TRIM71: variants seen among roughly 807,000 people sequenced by gnomAD.
TRIM71 encodes E3 ubiquitin-protein ligase TRIM71.
A neutral mutation model predicts 61.2 loss-of-function variants in TRIM71; 9 were observed. That is an observed-to-expected ratio of 0.15 (90% confidence interval 0.09 to 0.26). The LOEUF (loss-of-function observed/expected upper bound fraction) is 0.26, where lower values mean the gene tolerates loss of function less well. Among genes scored for constraint, TRIM71 ranks in the 10% least tolerant of loss-of-function variants. TRIM71 has a pLI of 1.00. For synonymous variants in TRIM71, 645 were observed against 553.2 expected, an observed-to-expected ratio of 1.17 and a Z score of -2.33; for missense variants, 998 against 1,238.7, an observed-to-expected ratio of 0.81 and a Z score of 2.92.
rs148488598 is a variant in TRIM71 at position 32,826,187 on chromosome 3, G to A, written c.852+7255G>A. Reference sequence around the variant, plus strand: ...CTCAACTCCCATCCAGGCAGGGTGCGGTGGCTTACGCCTGCAATCCCAGCA... The same window carrying A: ...CTCAACTCCCATCCAGGCAGGGTGCAGTGGCTTACGCCTGCAATCCCAGCA... On this transcript the variant is annotated intron_variant, in intron 1 of 3. Transcript: ENST00000383763. Among the ~76,000 whole-genome samples the A allele has an allele frequency of 1.9e-3, 285 of 152,266 alleles. 2 individuals are homozygous for A. Among genetic ancestry groups the A allele is most frequent in the African/African-American group, 6.6e-3 (273 of 41,552 alleles).
rs1696291771 is a variant in TRIM71, at chr3:32,833,079, G to A, written c.852+14147G>A. Among the ~76,000 whole-genome samples, 5 of 150,706 alleles carry A rather than the reference G, an allele frequency of 3.3e-5. No homozygotes were observed. The South Asian group carries it at 8.4e-4, about 25-fold the overall frequency. On this transcript the variant is annotated intron_variant, in intron 1 of 3. Transcript: ENST00000383763. ...CATCCCAGCTACTCGGGAGGCTGAG[G>A]CAGGAGAATCACTGGAACCCGGGAG...
At chr3:32,870,846 C>T (rs1322325142) in intron 1 of TRIM71, among the ~76,000 whole-genome samples, 1 of 152,148 alleles carries the variant, frequency 6.6e-6, no homozygotes, top group Non-Finnish European at 1.5e-5. Flanking sequence ...CACTCTTAGC[C>T]CGTGTTGCCT....
rs1425226750 is a variant in TRIM71, at chr3:32,877,394, G to A, written c.1020+3409G>A. 3.4e-5 allele frequency among the ~76,000 whole-genome samples: 5 copies of A among 147,936 alleles called. No individual in the cohort carries two copies. The East Asian group carries it at 9.6e-4, about 29-fold the overall frequency. On this transcript the variant is annotated intron_variant, in intron 2 of 3. Coordinates refer to ENST00000383763, the MANE Select transcript of TRIM71 (RefSeq NM_001039111.3). ...GTTGGGATATCAGGTGTGAGCCACC[G>A]CGCCTGGCCATTTTTTTTTTTAAGA...
chr3:32,865,188 G>T (rs1359176956), intron 1 of TRIM71, among the ~76,000 whole-genome samples: 1 of 152,104 alleles, frequency 6.6e-6, no homozygotes, highest in Admixed American at 6.5e-5. Flanking sequence ...AATTAGCTGG[G>T]TGTGGTGGCA....
Position 32,842,740 on chromosome 3 carries a change from G to A in TRIM71, c.852+23808G>A, listed in dbSNP as rs569512259. Among the ~76,000 whole-genome samples, 14 of 152,180 alleles carry A rather than the reference G, an allele frequency of 9.2e-5. No homozygotes were observed. The East Asian group carries it at 2.7e-3, about 30-fold the overall frequency. On this transcript the variant is annotated intron_variant, in intron 1 of 3. Transcript: ENST00000383763. ...CCTTATACAGACAGGCCTTAGCCAGGTGTAGGCTCTTCTGATCCCCATCTC... is the reference window on the plus strand; with the variant it reads ...CCTTATACAGACAGGCCTTAGCCAGATGTAGGCTCTTCTGATCCCCATCTC...
intron 1 of TRIM71, among the ~76,000 whole-genome samples, chr3:32,858,866 C>T (rs1446375615): frequency 6.6e-6 from 1 of 152,102 alleles, no homozygotes; most frequent in Non-Finnish European, 1.5e-5. Flanking sequence ...CTGAAAACTT[C>T]GATTATGTAA....
intron 2 of TRIM71, among the ~76,000 whole-genome samples, chr3:32,874,744 G>T (rs1696836576): frequency 6.6e-6 from 1 of 151,854 alleles, no homozygotes. Flanking sequence ...GGCTGGTTTT[G>T]AACTCCTGAG....
intron 3 of TRIM71, among the ~76,000 whole-genome samples, chr3:32,889,492 A>G (rs1281006165): frequency 7.3e-6 from 1 of 136,624 alleles, no homozygotes; most frequent in Non-Finnish European, 1.6e-5. Context: ...AGCTTACAGA[A>G]AAGTTGCAGT....
intron 1 of TRIM71, among the ~76,000 whole-genome samples, chr3:32,841,826 T>A (rs1057179289): frequency 1.2e-4 from 18 of 152,186 alleles, no homozygotes; most frequent in Admixed American, 9.2e-4. Flanking sequence ...ATTTTAATAT[T>A]TACTTCTATT....
rs1697053399 is a variant in TRIM71 at position 32,893,950 on chromosome 3, C to G, written c.*2139C>G. The G allele has an allele frequency of 6.6e-6, 1 of 152,144 alleles. No individual in the cohort carries two copies. The highest frequency in any genetic ancestry group is 2.4e-5 in the African/African-American group (1 of 41,432). The allele number at this position is 152,144 out of a possible 1,614,324, so 9.4% of individuals were successfully genotyped here. On this transcript the variant is annotated 3_prime_UTR_variant, in exon 4 of 4. Transcript: ENST00000383763. ...GCTTCAAACTGCTGCTGGCTCCCAG[C>G]TGCTGTTACAGGGTGGGAAGGTGTT...
At chr3:32,831,536 CTTTTTTTTTTTT>C (rs71068093) in intron 1 of TRIM71, among the ~76,000 whole-genome samples, 4 of 96,690 alleles carry the variant, frequency 4.1e-5, no homozygotes, top group South Asian at 4.2e-4. Context: ...GCTTATCTTC[CTTTTTTTTTTTT>C]TTTTTTTTGA....
chr3:32,879,958 C>A (rs1272670735), intron 2 of TRIM71, among the ~76,000 whole-genome samples: 1 of 151,772 alleles, frequency 6.6e-6, no homozygotes, highest in East Asian at 1.9e-4. Flanking sequence ...AAGACTCTGT[C>A]TCAAAAAAGA....
intron 1 of TRIM71, among the ~76,000 whole-genome samples, chr3:32,828,683 A>G (rs764463189): frequency 6.6e-6 from 1 of 151,856 alleles, no homozygotes; most frequent in Non-Finnish European, 1.5e-5. Flanking sequence ...TTCTTTTTGT[A>G]GAGACTGGGT....
In TRIM71 at chr3:32,818,248, A is replaced by C. The variant is rs755012755; in HGVS notation, c.168A>C (p.Leu56=). The C allele has an allele frequency of 1.3e-6, 2 of 1,484,914 alleles. No homozygotes were observed. Among genetic ancestry groups the C allele is most frequent in the Non-Finnish European group, 1.8e-6 (2 of 1,129,440 alleles). 92.0% of individuals were successfully genotyped at this position (1,484,914 alleles called of 1,614,324 possible). A position where few individuals can be genotyped will look rare whatever the true frequency, so the allele number is the denominator to read the frequency against. ...GGGPGAAARR[L]HVLPCLHAFC... is the part of the protein sequence containing the mutation. ...GCCCTGGGGCGGCGGCGCGCCGCCT[A>C]CACGTCCTGCCCTGCCTGCACGCCT... The change falls in exon 1 of 4, where the codon CTA becomes CTC. Residue 56 remains leucine, a synonymous_variant. Coordinates refer to ENST00000383763, the MANE Select transcript of TRIM71 (RefSeq NM_001039111.3).
Position 32,864,776 on chromosome 3 carries a change from C to G in TRIM71, c.853-9042C>G, listed in dbSNP as rs1451536901. On this transcript the variant is annotated intron_variant, in intron 1 of 3. Coordinates refer to ENST00000383763, the MANE Select transcript of TRIM71 (RefSeq NM_001039111.3). Reference sequence around the variant, plus strand: ...TCCCCAGTATGCATCCCTCTTCCCCCACTTGGCATGTGTGTTGTCCCCCAG... The same window carrying G: ...TCCCCAGTATGCATCCCTCTTCCCCGACTTGGCATGTGTGTTGTCCCCCAG... Among the ~76,000 whole-genome samples, 3 of 152,228 alleles carry G rather than the reference C, an allele frequency of 2.0e-5. No individual in the cohort carries two copies. The South Asian group carries it at 6.2e-4, about 32-fold the overall frequency.
chr3:32,827,320 A>G (rs1696214690), intron 1 of TRIM71, among the ~76,000 whole-genome samples: 2 of 144,794 alleles, frequency 1.4e-5, no homozygotes. Flanking sequence ...CTGGAGTGTA[A>G]TGGTGTGATC....
chr3:32,844,214 G>A (rs554292721), intron 1 of TRIM71, among the ~76,000 whole-genome samples: 119 of 152,290 alleles, frequency 7.8e-4, no homozygotes, highest in African/African-American at 2.7e-3. Flanking sequence ...TAAAACTGGG[G>A]TGGGGCTCAA....
At chr3:32,827,408 A>ATGCACCACCATGCC in intron 1 of TRIM71, among the ~76,000 whole-genome samples, 1 of 151,584 alleles carries the variant, frequency 6.6e-6, no homozygotes, top group Non-Finnish European at 1.5e-5. Flanking sequence ...GATCACAGGC[A>ATGCACCACCATGCC]TGCACCACCA....
At chr3:32,881,753 C>CTGT (rs947642464) in intron 2 of TRIM71, among the ~76,000 whole-genome samples, 1 of 152,192 alleles carries the variant, frequency 6.6e-6, no homozygotes, top group African/African-American at 2.4e-5. Flanking sequence ...CCTATCTGCC[C>CTGT]TGTATGTCCT....
Sources: gnomAD v4.1 joint callset for allele counts (sites outside exome capture counted in the v4.1 genomes callset) on GRCh38, gnomAD v4.1.1 for gene constraint, MANE v1.5 for transcripts, NCBI Gene and HGNC (gene_info 2026-07-23, HGNC 2026-07-21) for gene names.